The following CDCA7L variants were observed in gnomAD, a reference collection of about 807,000 sequenced individuals.
CDCA7L encodes cell division cycle associated 7 like.
A neutral mutation model predicts 57.4 loss-of-function variants in CDCA7L; 44 were observed. That is an observed-to-expected ratio of 0.77 (90% CI 0.60 to 0.98). The LOEUF (loss-of-function observed/expected upper bound fraction) is 0.98. CDCA7L is among the 50% of genes least tolerant of loss of function. The pLI is 0.00. For synonymous variants in CDCA7L, 236 were observed against 202.8 expected, an observed-to-expected ratio of 1.16 and a Z score of -1.39; for missense variants, 644 against 580.6, an observed-to-expected ratio of 1.11 and a Z score of -1.12.
intron 9 of CDCA7L, 87 bp from the exon 10 acceptor site, chr7:21,902,439 A>C (rs1784944213): frequency 1.5e-6 from 2 of 1,314,622 alleles, no homozygotes; most frequent in Admixed American, 3.4e-5. Context: ...ATCATCTAAG[A>C]GTACAAAGCC....
chr7:21,927,860 C>T (rs1785875402), intron 1 of CDCA7L, among the ~76,000 whole-genome samples: 1 of 152,230 alleles, frequency 6.6e-6, no homozygotes, highest in Non-Finnish European at 1.5e-5. Context: ...GGACAGAGCA[C>T]CTGGGAAAGG....
intron 1 of CDCA7L, among the ~76,000 whole-genome samples, chr7:21,930,557 C>G (rs192256090): frequency 9.2e-5 from 14 of 151,836 alleles, no homozygotes; most frequent in Admixed American, 8.5e-4. Flanking sequence ...ATTAGCTGGG[C>G]GTGGTGGCGG....
intron 3 of CDCA7L, among the ~76,000 whole-genome samples, chr7:21,910,197 A>C (rs967330895): frequency 6.6e-6 from 1 of 152,228 alleles, no homozygotes; most frequent in Non-Finnish European, 1.5e-5. Context: ...TAAAGAACAG[A>C]AAATAAGTAC....
intron 1 of CDCA7L, among the ~76,000 whole-genome samples, chr7:21,926,014 T>C (rs1003083642): frequency 2.0e-5 from 3 of 152,234 alleles, no homozygotes; most frequent in South Asian, 2.1e-4. Context: ...CTAGGCAGGA[T>C]AGCTTAAGTC....
intron 3 of CDCA7L, among the ~76,000 whole-genome samples, chr7:21,909,258 G>C (rs1190164124): frequency 1.3e-5 from 2 of 152,166 alleles, no homozygotes; most frequent in East Asian, 1.9e-4. Context: ...ACATCACCTA[G>C]GTGACAGCTT....
At chr7:21,905,436 A>T in intron 7 of CDCA7L, 70 bp downstream of exon 7, 1 of 1,543,366 alleles carries the variant, frequency 6.5e-7, no homozygotes, top group South Asian at 1.1e-5. Context: ...GATAGAGTTT[A>T]AAAACAAGTG....
intron 1 of CDCA7L, among the ~76,000 whole-genome samples, chr7:21,922,505 TA>T (rs1785683166): frequency 2.0e-5 from 3 of 152,102 alleles, no homozygotes; most frequent in South Asian, 2.1e-4. Flanking sequence ...TGAGTGTTGG[TA>T]AGAAACTTCC....
At chr7:21,943,929 C>T (rs1198693094) in intron 1 of CDCA7L, among the ~76,000 whole-genome samples, 2 of 152,202 alleles carry the variant, frequency 1.3e-5, no homozygotes, top group Non-Finnish European at 2.9e-5. Context: ...GTTTCCTAAG[C>T]ATGAATTATG....
chr7:21,930,810 G>C (rs1481235553), intron 1 of CDCA7L, among the ~76,000 whole-genome samples: 2 of 151,480 alleles, frequency 1.3e-5, no homozygotes, highest in East Asian at 1.9e-4. Flanking sequence ...AGGAGACAGG[G>C]ACATGAAAAA....
In CDCA7L at chr7:21,906,241, G is replaced by A. The variant is rs186064203; in HGVS notation, c.921+48C>T. Reference sequence around the variant, plus strand: ...CAGTGACGTGCGTTCACGTTTGGAGGGATGGTAGCTCAGACAAAAACTAAT... The same window carrying A: ...CAGTGACGTGCGTTCACGTTTGGAGAGATGGTAGCTCAGACAAAAACTAAT... On this transcript the variant is annotated intron_variant, in intron 6 of 9. Transcript: ENST00000406877. 1.4e-4 allele frequency: 216 copies of A among 1,532,294 alleles called. 1 individual carries two copies. The African/African-American group carries it at 2.1e-3, about 15-fold the overall frequency. 94.9% of individuals were successfully genotyped at this position (1,532,294 alleles called of 1,614,324 possible).
At position 21,901,517 on chromosome 7, in the gene CDCA7L, C is replaced by T. The variant is rs192515848; in HGVS notation, c.*805G>A. 39 of 278,054 alleles carry T rather than the reference C, an allele frequency of 1.4e-4. No homozygotes were observed. The highest frequency in any genetic ancestry group is 8.5e-4 in the Admixed American group (16 of 18,868). The allele number at this position is 278,054 out of a possible 1,614,324, so 17.2% of individuals were successfully genotyped here. On this transcript the variant is annotated 3_prime_UTR_variant, in exon 10 of 10. Transcript: ENST00000406877. ...CTAGGAGGCAAAGGTTGCAGTGAGC[C>T]GAGGTTGCACCACTGCACTCCCTCC...
intron 9 of CDCA7L, chr7:21,902,633 T>A (rs1029598583): frequency 3.0e-5 from 16 of 529,100 alleles, no homozygotes; most frequent in Non-Finnish European, 4.7e-5. Flanking sequence ...CCCTGAACTC[T>A]CTCTCTGCAC....
At chr7:21,934,185 T>C (rs1219027400) in intron 1 of CDCA7L, among the ~76,000 whole-genome samples, 1 of 152,178 alleles carries the variant, frequency 6.6e-6, no homozygotes, top group Admixed American at 6.6e-5. Context: ...GGCTTATAAC[T>C]CTACTTGTTA....
In CDCA7L at chr7:21,901,450, C is replaced by G. The variant is rs1321813687; in HGVS notation, c.*872G>C. On this transcript the variant is annotated 3_prime_UTR_variant, in exon 10 of 10. Coordinates refer to ENST00000406877, the MANE Select transcript of CDCA7L (RefSeq NM_018719.5). ...CAGGGCTGAGCGTGGTGGCACACGACTGTAATCCCAGTTACTCAGGAGGTA... is the reference window on the plus strand; with the variant it reads ...CAGGGCTGAGCGTGGTGGCACACGAGTGTAATCCCAGTTACTCAGGAGGTA... The G allele has an allele frequency of 1.7e-5, 11 of 655,732 alleles. No homozygotes were observed. Among genetic ancestry groups the G allele is most frequent in the Non-Finnish European group, 2.2e-6 (1 of 460,284 alleles). The allele number at this position is 655,732 out of a possible 1,614,324, so 40.6% of individuals were successfully genotyped here.
intron 1 of CDCA7L, among the ~76,000 whole-genome samples, chr7:21,934,944 AT>A (rs34160896): frequency 3.1e-5 from 2 of 65,104 alleles, no homozygotes; most frequent in Admixed American, 1.6e-4. Context: ...GAATGAAGAA[AT>A]AGACTGTTCT....
intron 2 of CDCA7L, among the ~76,000 whole-genome samples, chr7:21,916,131 G>T (rs942490898): frequency 9.2e-5 from 14 of 152,112 alleles, no homozygotes; most frequent in Non-Finnish European, 1.5e-4. Context: ...GAGAGGCCAT[G>T]GTCAAGGCAG....
intron 9 of CDCA7L, 118 bp from the exon 10 acceptor site, chr7:21,902,470 CTCGAAATCCTGACAA>C (rs1468159929): frequency 4.2e-6 from 4 of 963,830 alleles, no homozygotes; most frequent in Non-Finnish European, 6.7e-6. Context: ...TCTCCTGACA[CTCGAAATCCTGACAA>C]TTTATGCATC....
intron 1 of CDCA7L, among the ~76,000 whole-genome samples, chr7:21,929,631 C>CAAAAAAAAAAAA (rs57283961): frequency 6.2e-4 from 22 of 35,498 alleles, no homozygotes; most frequent in East Asian, 8.6e-4. Flanking sequence ...AAATGGAAAG[C>CAAAAAAAAAAAA]AAAAAAAAAA....
At chr7:21,902,884 C>T in intron 9 of CDCA7L, 94 bp downstream of exon 9, 1 of 1,194,794 alleles carries the variant, frequency 8.4e-7, no homozygotes, top group Non-Finnish European at 1.2e-6. Context: ...GTAAGTAAGT[C>T]ACACGGGAAG....
Sources: gnomAD v4.1 joint callset for allele counts (sites outside exome capture counted in the v4.1 genomes callset) on GRCh38, gnomAD v4.1.1 for gene constraint, MANE v1.5 for transcripts, NCBI Gene and HGNC (gene_info 2026-07-23, HGNC 2026-07-21) for gene names.